MAPKAPK3: variants seen among roughly 807,000 people sequenced by gnomAD.
MAPKAPK3 encodes MAPK activated protein kinase 3, also known as MAP kinase-activated protein kinase 3.
A neutral mutation model predicts 49.2 loss-of-function variants in MAPKAPK3; 35 were observed. The observed-to-expected ratio is 0.71, with a 90% confidence interval of 0.54 to 0.94. The LOEUF (loss-of-function observed/expected upper bound fraction) is 0.94. Among genes scored for constraint, MAPKAPK3 ranks in the 40% least tolerant of loss-of-function variants. MAPKAPK3 has a pLI of 0.00. For missense variants in MAPKAPK3, 398 were observed against 493.1 expected (o/e 0.81, Z 1.83); for synonymous variants, 178 against 188.7 (o/e 0.94, Z 0.46).
At chr3:50,621,532 A>T (rs913321114) in intron 2 of MAPKAPK3, among the ~76,000 whole-genome samples, 4 of 143,030 alleles carry the variant, frequency 2.8e-5, no homozygotes, top group African/African-American at 1.0e-4. Flanking sequence ...TGGGAGGCGG[A>T]GGTTGCAGTG....
chr3:50,646,332 C>G (rs2033296347), intron 8 of MAPKAPK3, 68 bp downstream of exon 8: 1 of 1,602,348 alleles, frequency 6.2e-7, no homozygotes, highest in Non-Finnish European at 8.5e-7. Flanking sequence ...GGAAACATCA[C>G]TTTGGTGTCA....
chr3:50,646,923 G>A (rs569700286), intron 9 of MAPKAPK3, 98 bp downstream of exon 9: 1 of 1,258,498 alleles, frequency 7.9e-7, no homozygotes, highest in Non-Finnish European at 1.2e-6. Context: ...CCAGTGCAGG[G>A]CTGGAATGGG....
intron 2 of MAPKAPK3, among the ~76,000 whole-genome samples, chr3:50,632,464 C>G (rs754883951): frequency 5.9e-5 from 9 of 152,176 alleles, no homozygotes; most frequent in Non-Finnish European, 1.3e-4. Context: ...TATAAAATGT[C>G]TGAAATACTG....
chr3:50,628,726 T>A (rs543478011), intron 2 of MAPKAPK3, among the ~76,000 whole-genome samples: 4 of 152,222 alleles, frequency 2.6e-5, no homozygotes, highest in Admixed American at 2.6e-4. Flanking sequence ...CCTGCCACTT[T>A]CTCACTGTAG....
chr3:50,621,473 C>T (rs1254809322), intron 2 of MAPKAPK3, among the ~76,000 whole-genome samples: 1 of 151,942 alleles, frequency 6.6e-6, no homozygotes, highest in African/African-American at 2.4e-5. Context: ...TGGCGGGCGC[C>T]TGTAATCCCA....
chr3:50,617,244 A>C lies in MAPKAPK3; in HGVS notation c.-53+3A>C. ...TCAGCAAGGTGCGTTGCCGCCAGGTACGCCCTCGCTGGGCCCCCTCTGCGG... is the reference window on the plus strand; with the variant it reads ...TCAGCAAGGTGCGTTGCCGCCAGGTCCGCCCTCGCTGGGCCCCCTCTGCGG... On this transcript the variant is annotated splice_donor_region_variant and intron_variant, in intron 1 of 10. Coordinates refer to ENST00000621469, the MANE Select transcript of MAPKAPK3 (RefSeq NM_001243925.2). 1.3e-5 allele frequency: 3 copies of C among 237,386 alleles called. No individual in the cohort carries two copies. The highest frequency in any genetic ancestry group is 1.6e-5 in the Non-Finnish European group (2 of 122,646). The allele number at this position is 237,386 out of a possible 1,614,324, so 14.7% of individuals were successfully genotyped here. A position where few individuals can be genotyped will look rare whatever the true frequency, so the allele number is the denominator to read the frequency against.
At position 50,648,069 on chromosome 3, in the gene MAPKAPK3, T is replaced by C; in HGVS notation, c.*23T>C. On this transcript the variant is annotated 3_prime_UTR_variant, in exon 11 of 11. Transcript: ENST00000621469. ...TAGCTCATGGGGCCTTGGAGGAGCC[T>C]GGCCTCTCAGCCTGCATAACAGACT... is the stretch of plus-strand genomic sequence containing the variant. 1.2e-6 allele frequency: 2 copies of C among 1,605,292 alleles called. No homozygotes were observed. The highest frequency in any genetic ancestry group is 1.7e-6 in the Non-Finnish European group (2 of 1,176,168).
intron 2 of MAPKAPK3, among the ~76,000 whole-genome samples, chr3:50,634,491 C>CTT (rs755345871): frequency 1.4e-5 from 2 of 142,662 alleles, no homozygotes; most frequent in Non-Finnish European, 3.1e-5. Context: ...TCTTCTTCTT[C>CTT]TTTTTTTTTT....
chr3:50,642,420 T>C (rs2033198091), intron 5 of MAPKAPK3, 88 bp downstream of exon 5: 1 of 934,378 alleles, frequency 1.1e-6, no homozygotes, highest in Non-Finnish European at 1.7e-6. Context: ...ACCCACTGGA[T>C]GGAGGCCATG....
chr3:50,644,850 T>C (rs1393619053), intron 6 of MAPKAPK3, among the ~76,000 whole-genome samples: 5 of 152,114 alleles, frequency 3.3e-5, no homozygotes, highest in Non-Finnish European at 5.9e-5. Flanking sequence ...CCGCGGTTGT[T>C]TTTCTCTAGT....
At chr3:50,614,461 C>T (rs528863138), upstream of MAPKAPK3, among the ~76,000 whole-genome samples, 2 of 152,106 alleles carry the variant, frequency 1.3e-5, no homozygotes, top group South Asian at 4.2e-4. Flanking sequence ...GGCCTCCATC[C>T]TCTCACCATG....
intron 2 of MAPKAPK3, 89 bp downstream of exon 2, chr3:50,617,873 G>T: frequency 1.0e-6 from 1 of 982,858 alleles, no homozygotes; most frequent in Non-Finnish European, 1.6e-6. Context: ...CCCCTGCTAA[G>T]CTTCCTATGC....
At chr3:50,617,327 G>A in intron 1 of MAPKAPK3, 86 bp downstream of exon 1, 2 of 418,114 alleles carry the variant, frequency 4.8e-6, no homozygotes, top group Non-Finnish European at 4.3e-6. Context: ...CTTGACACGT[G>A]CCCGGGCGGT....
upstream of MAPKAPK3, among the ~76,000 whole-genome samples, chr3:50,614,285 C>T (rs1164831850): frequency 6.6e-6 from 1 of 152,150 alleles, no homozygotes. Flanking sequence ...CTCTCATGCC[C>T]TCACTAGCCA....
chr3:50,627,563 G>A (rs956438515), intron 2 of MAPKAPK3, among the ~76,000 whole-genome samples: 1 of 152,162 alleles, frequency 6.6e-6, no homozygotes, highest in Non-Finnish European at 1.5e-5. Flanking sequence ...GAGTCAGGCT[G>A]AGCCAGTACC....
rs375104240 is a variant in MAPKAPK3 at position 50,635,535 on chromosome 3, A to G, written c.220-4831A>G. 6.4e-5 allele frequency among the ~76,000 whole-genome samples: 9 copies of G among 139,992 alleles called. No homozygotes were observed. In the East Asian group the frequency reaches 1.8e-3, roughly 28 times the overall value. The allele number at this position is 139,992 out of a possible 152,430, so 91.8% of individuals were successfully genotyped here. A position where few individuals can be genotyped will look rare whatever the true frequency, so the allele number is the denominator to read the frequency against. On this transcript the variant is annotated intron_variant, in intron 2 of 10. Coordinates refer to ENST00000621469, the MANE Select transcript of MAPKAPK3 (RefSeq NM_001243925.2). ...TGGGTTCAAGTGATTCTTCTGCCTC[A>G]GCCTCCTGAGTAGCTGGGGTTACAG...
At chr3:50,625,572 A>G (rs2032717034) in intron 2 of MAPKAPK3, among the ~76,000 whole-genome samples, 1 of 152,180 alleles carries the variant, frequency 6.6e-6, no homozygotes, top group Non-Finnish European at 1.5e-5. Context: ...AGAGATGCTG[A>G]AAAGATTGCT....
At chr3:50,642,058 TG>T (rs1306553564) in intron 4 of MAPKAPK3, among the ~76,000 whole-genome samples, 194 bp from the exon 5 acceptor site, 1 of 151,876 alleles carries the variant, frequency 6.6e-6, no homozygotes, top group Non-Finnish European at 1.5e-5. Flanking sequence ...TTAGATGGGT[TG>T]GGGGTATCCT....
chr3:50,648,696 G>A lies in MAPKAPK3; in HGVS notation c.*650G>A, dbSNP rs909681573. The stretch of plus-strand genomic sequence containing the variant: ...GCAGCCCCAGCCCAGATGGCACTCA[G>A]CGCTCTCCCCTGAGGGAGTCCCTGG... On this transcript the variant is annotated 3_prime_UTR_variant, in exon 11 of 11. Transcript: ENST00000621469. 3 of 152,492 alleles carry A rather than the reference G, an allele frequency of 2.0e-5. No individual in the cohort carries two copies. The highest frequency in any genetic ancestry group is 7.2e-5 in the African/African-American group (3 of 41,464). 9.4% of individuals were successfully genotyped at this position (152,492 alleles called of 1,614,324 possible).
Sources: gnomAD v4.1 joint callset for allele counts (sites outside exome capture counted in the v4.1 genomes callset) on GRCh38, gnomAD v4.1.1 for gene constraint, MANE v1.5 for transcripts, NCBI Gene and HGNC (gene_info 2026-07-23, HGNC 2026-07-21) for gene names.